The following STON2 variants were observed in gnomAD, a reference collection of about 807,000 sequenced individuals.
The protein encoded by STON2 is stonin-2.
A neutral mutation model predicts 65.7 loss-of-function variants in STON2; 29 were observed. The ratio of observed to expected loss-of-function variants is 0.44; its 90% CI spans 0.33 to 0.60. The LOEUF (loss-of-function observed/expected upper bound fraction) is 0.60, where lower values mean the gene tolerates loss of function less well. Among genes scored for constraint, STON2 ranks in the 20% least tolerant of loss-of-function variants. STON2 has a pLI of 0.03. For synonymous variants in STON2, 404 were observed against 414.2 expected (o/e 0.98, Z 0.30); for missense variants, 1,054 against 1,118.1 (o/e 0.94, Z 0.82).
chr14:81,336,880 T>C (rs1897392856), intron 4 of STON2, among the ~76,000 whole-genome samples: 1 of 151,732 alleles, frequency 6.6e-6, no homozygotes, highest in Admixed American at 6.6e-5. Flanking sequence ...CTCAGATGAG[T>C]GATCAGCAGG....
chr14:81,370,208 T>C (rs1566930756), intron 4 of STON2, among the ~76,000 whole-genome samples: 2 of 152,174 alleles, frequency 1.3e-5, no homozygotes, highest in Admixed American at 1.3e-4. Context: ...AAACAAATCT[T>C]GTCAACACAC....
intron 5 of STON2, among the ~76,000 whole-genome samples, chr14:81,280,419 G>C (rs1895057564): frequency 6.6e-6 from 1 of 152,194 alleles, no homozygotes; most frequent in South Asian, 2.1e-4. Context: ...TTGCTTTAGA[G>C]TAGCTCTTCC....
At chr14:81,363,626 C>CA (rs5810025) in intron 4 of STON2, among the ~76,000 whole-genome samples, 41,389 of 147,340 alleles carry the variant, frequency 0.28, 6,166 homozygotes, top group East Asian at 0.41. Flanking sequence ...GATTTGTTTT[C>CA]AAAAAAAAAA....
chr14:81,276,851 C>G, intron 6 of STON2, 50 bp downstream of exon 6: 2 of 1,558,712 alleles, frequency 1.3e-6, no homozygotes, highest in Non-Finnish European at 1.7e-6. Flanking sequence ...TTGATCTCAG[C>G]TTTTTCACAA....
At chr14:81,380,440 A>G (rs1029460751) in intron 3 of STON2, among the ~76,000 whole-genome samples, 1 of 152,224 alleles carries the variant, frequency 6.6e-6, no homozygotes, top group Non-Finnish European at 1.5e-5. Context: ...AAGATTTCTC[A>G]AAGAACTTAA....
chr14:81,280,478 C>T (rs991057443), intron 5 of STON2, among the ~76,000 whole-genome samples: 16 of 152,164 alleles, frequency 1.1e-4, no homozygotes, highest in African/African-American at 3.9e-4. Flanking sequence ...CTGCTACCAT[C>T]CTACCCACTG....
At chr14:81,276,782 C>T (rs1894837639) in intron 6 of STON2, 119 bp downstream of exon 6, 1 of 1,208,546 alleles carries the variant, frequency 8.3e-7, no homozygotes, top group South Asian at 1.5e-5. Context: ...TCCCACTCCC[C>T]CTCCATCACC....
At chr14:81,306,040 G>A (rs1339111386) in intron 5 of STON2, among the ~76,000 whole-genome samples, 1 of 151,386 alleles carries the variant, frequency 6.6e-6, no homozygotes, top group Non-Finnish European at 1.5e-5. Flanking sequence ...CTTTCTGCTT[G>A]ATTATTTAAC....
chr14:81,335,548 G>C (rs145326671), intron 4 of STON2, among the ~76,000 whole-genome samples: 24 of 152,206 alleles, frequency 1.6e-4, no homozygotes, highest in African/African-American at 5.5e-4. Context: ...AGACATAGCT[G>C]GACTGTCAGA....
intron 4 of STON2, chr14:81,332,944 G>A: frequency 2.6e-6 from 1 of 387,042 alleles, no homozygotes; most frequent in Admixed American, 3.8e-5. Context: ...AATCTCCACA[G>A]CTCACTGCTA....
At position 81,266,549 on chromosome 14, in the gene STON2, T is replaced by C. The variant is rs2039475491; in HGVS notation, c.*1865A>G. 1 of 508,250 alleles carries C rather than the reference T, an allele frequency of 2.0e-6. No homozygotes were observed. The highest frequency in any genetic ancestry group is 8.4e-5 in the South Asian group (1 of 11,914). 31.5% of individuals were successfully genotyped at this position (508,250 alleles called of 1,614,324 possible). ...CCCTTTACAACCCTGGTCACCTCCC[T>C]ATGGACACAATCAACTTATTAATGT... On this transcript the variant is annotated 3_prime_UTR_variant, in exon 8 of 8. Transcript: ENST00000614646.
intron 1 of STON2, among the ~76,000 whole-genome samples, chr14:81,431,468 T>C (rs1902222509): frequency 6.6e-6 from 1 of 152,012 alleles, no homozygotes; most frequent in African/African-American, 2.4e-5. Flanking sequence ...TAAAACCTCA[T>C]CTCTACTAAA....
chr14:81,410,278 C>CAAAAAAAAAAAA lies in STON2; in HGVS notation c.-198-11710_-198-11699dup, dbSNP rs1161157573. Among the ~76,000 whole-genome samples the CAAAAAAAAAAAA allele has an allele frequency of 5.9e-4, 27 of 45,796 alleles. 1 individual carries two copies. Among genetic ancestry groups the CAAAAAAAAAAAA allele is most frequent in the Non-Finnish European group, 8.7e-4 (18 of 20,608 alleles). 30.0% of individuals were successfully genotyped at this position (45,796 alleles called of 152,430 possible). ...GCATGCAGATGAATGTAACTCTAACCAAAAAAAAAAAAAAAAAAAAAAAAA... is the reference window on the plus strand; with the variant it reads ...GCATGCAGATGAATGTAACTCTAACCAAAAAAAAAAAAAAAAAAAAAAAAAAAAAAAAAAAAA... On this transcript the variant is annotated intron_variant, in intron 2 of 8. Coordinates refer to the STON2 transcript ENST00000553821.
At chr14:81,285,900 C>A (rs1895313125) in intron 5 of STON2, among the ~76,000 whole-genome samples, 1 of 152,316 alleles carries the variant, frequency 6.6e-6, no homozygotes, top group Non-Finnish European at 1.5e-5. Flanking sequence ...GTAATCCCAG[C>A]ATTTTGGGAG....
chr14:81,325,847 G>T (rs1896987082), intron 4 of STON2, among the ~76,000 whole-genome samples: 1 of 152,064 alleles, frequency 6.6e-6, no homozygotes, highest in Non-Finnish European at 1.5e-5. Flanking sequence ...GCACAGAGGG[G>T]CAGACTGAGA....
At chr14:81,362,196 G>A (rs963616467) in intron 4 of STON2, among the ~76,000 whole-genome samples, 2 of 152,110 alleles carry the variant, frequency 1.3e-5, no homozygotes, top group African/African-American at 4.8e-5. Flanking sequence ...GTTCACTACA[G>A]CACTATTAAA....
At chr14:81,402,259 C>G (rs1900645399), upstream of STON2, among the ~76,000 whole-genome samples, 1 of 152,128 alleles carries the variant, frequency 6.6e-6, no homozygotes, top group Non-Finnish European at 1.5e-5. Context: ...ATCAGTACCT[C>G]CGGTGTGTCT....
rs1389135858 is a variant in STON2, at chr14:81,262,211, T to C, written c.*6203A>G. 3 of 985,330 alleles carry C rather than the reference T, an allele frequency of 3.0e-6. No individual in the cohort carries two copies. The African/African-American group carries it at 5.2e-5, about 17-fold the overall frequency. The allele number at this position is 985,330 out of a possible 1,614,324, so 61.0% of individuals were successfully genotyped here. On this transcript the variant is annotated 3_prime_UTR_variant, in exon 8 of 8. Coordinates refer to ENST00000614646, the MANE Select transcript of STON2 (RefSeq NM_001394390.1). ...AGCAACTTACTTAACATAGTGATTGTCTCCATGGCTATGTCCTGTAAAGAT... is the reference window on the plus strand; with the variant it reads ...AGCAACTTACTTAACATAGTGATTGCCTCCATGGCTATGTCCTGTAAAGAT...
Position 81,265,296 on chromosome 14 carries a change from T to G in STON2, c.*3118A>C, listed in dbSNP as rs1894313936. 1 of 984,158 alleles carries G rather than the reference T, an allele frequency of 1.0e-6. No individual in the cohort carries two copies. Among genetic ancestry groups the G allele is most frequent in the Non-Finnish European group, 1.2e-6 (1 of 828,842 alleles). The allele number at this position is 984,158 out of a possible 1,614,324, so 61.0% of individuals were successfully genotyped here. On this transcript the variant is annotated 3_prime_UTR_variant, in exon 8 of 8. Coordinates refer to ENST00000614646, the MANE Select transcript of STON2 (RefSeq NM_001394390.1). ...CCCCTAAATGCTACCCATAATCAGT[T>G]TCCTAAAAACAGTAGAGGGAAAACA...
Sources: allele counts gnomAD v4.1 joint callset (sites outside exome capture counted in the v4.1 genomes callset), GRCh38; gene constraint gnomAD v4.1.1; transcripts MANE v1.5; gene names NCBI Gene and HGNC (gene_info 2026-07-23, HGNC 2026-07-21).